Variants in CSE1L observed in about 807,000 individuals in gnomAD.
CSE1L encodes the protein exportin-2.
CSE1L carries 24 observed loss-of-function variants against 120.4 expected under a neutral mutation model. That is an observed-to-expected ratio of 0.20 (90% CI 0.14 to 0.28). The LOEUF (loss-of-function observed/expected upper bound fraction) is 0.28, where lower values mean the gene tolerates loss of function less well. Ranked by LOEUF, CSE1L falls within the 10% of genes least tolerant of loss-of-function variation. The probability of loss-of-function intolerance (pLI) is 1.00; values close to 1 mark genes in which losing one functional copy is unlikely to be tolerated. For missense variants in CSE1L, 830 were observed against 1,145.2 expected, an observed-to-expected ratio of 0.72 and a Z score of 3.97; for synonymous variants, 402 against 398.3, an observed-to-expected ratio of 1.01 and a Z score of -0.11.
intron 11 of CSE1L, 124 bp from the exon 12 acceptor site, chr20:49,075,194 T>G: frequency 1.3e-6 from 1 of 784,772 alleles, no homozygotes; most frequent in Non-Finnish European, 2.0e-6. Flanking sequence ...TTGTTTTTCG[T>G]TCTTTTTTTT....
rs138299846 is a variant in CSE1L, at chr20:49,089,328, G to C, written c.1903G>C (p.Ala635Pro). 6.2e-7 allele frequency: 1 copy of C among 1,613,240 alleles called. No individual in the cohort carries two copies. Among genetic ancestry groups the C allele is most frequent in the Non-Finnish European group, 8.5e-7 (1 of 1,179,812 alleles). ...SIRITCKANP[A>P]AVVNFEEALF... Reference sequence around the variant, plus strand: ...AAGAATAACTTGCAAAGCTAACCCTGCTGCTGTTGTAAATTTTGAGGAGGC... The same window carrying C: ...AAGAATAACTTGCAAAGCTAACCCTCCTGCTGTTGTAAATTTTGAGGAGGC... The change falls in exon 18 of 25, where the codon GCT becomes CCT. Residue 635 changes from alanine (A) to proline (P), a missense_variant. Ala to Pro is a conservative substitution (Grantham distance 27). This residue lies in a region of CSE1L where 168 missense variants were observed against 267.9 expected (regional missense o/e 0.63). Transcript: ENST00000262982.
At chr20:49,086,998 A>G (rs2092063989) in intron 16 of CSE1L, among the ~76,000 whole-genome samples, 1 of 152,182 alleles carries the variant, frequency 6.6e-6, no homozygotes, top group Non-Finnish European at 1.5e-5. Context: ...TTCAGGAGGC[A>G]AGAGCAGATA....
At chr20:49,073,008 T>G (rs2091943939) in intron 10 of CSE1L, among the ~76,000 whole-genome samples, 2 of 152,312 alleles carry the variant, frequency 1.3e-5, no homozygotes, top group South Asian at 4.1e-4. Flanking sequence ...TAGCTGGCTT[T>G]ATTTATTTAT....
chr20:49,046,880 G>A (rs2091716806), intron 1 of CSE1L, among the ~76,000 whole-genome samples: 1 of 152,240 alleles, frequency 6.6e-6, no homozygotes, highest in South Asian at 2.1e-4. Context: ...GGCGGGGACT[G>A]CGGGCGCGTG....
At chr20:49,058,677 A>G (rs771789550) in intron 2 of CSE1L, 129 bp downstream of exon 2, 11 of 642,554 alleles carry the variant, frequency 1.7e-5, no homozygotes, top group Non-Finnish European at 2.9e-5. Flanking sequence ...GTAGTTTATA[A>G]GTGTTACAGC....
chr20:49,074,443 T>C (rs1294260720), intron 10 of CSE1L, among the ~76,000 whole-genome samples: 2 of 152,004 alleles, frequency 1.3e-5, no homozygotes, highest in Non-Finnish European at 2.9e-5. Flanking sequence ...TAAAATTAGG[T>C]TGTTGGTATT....
In CSE1L at chr20:49,084,526, A is replaced by C. The variant is rs543999536; in HGVS notation, c.1619+364A>C. ...AATTTTCACAGGGTCTATGAGATAA[A>C]AGTTAAAGCAGAGAATACTGTACAA... On this transcript the variant is annotated intron_variant, in intron 15 of 24. Transcript: ENST00000262982. Among the ~76,000 whole-genome samples, 69 of 152,312 alleles carry C rather than the reference A, an allele frequency of 4.5e-4. 1 individual carries two copies. The highest frequency in any genetic ancestry group is 1.7e-3 in the African/African-American group (69 of 41,570).
At chr20:49,095,141 T>G (rs1221909709) in intron 24 of CSE1L, 178 bp downstream of exon 24, 1 of 686,766 alleles carries the variant, frequency 1.5e-6, no homozygotes, top group Non-Finnish European at 2.6e-6. Flanking sequence ...TCTTGTATTA[T>G]GTACTACAAA....
At chr20:49,076,163 C>G (rs2091966561) in intron 12 of CSE1L, among the ~76,000 whole-genome samples, 1 of 149,824 alleles carries the variant, frequency 6.7e-6, no homozygotes, top group African/African-American at 2.5e-5. Flanking sequence ...TATACATAAG[C>G]AGGTTGTGTT....
chr20:49,053,697 A>G (rs1447562891), intron 1 of CSE1L, among the ~76,000 whole-genome samples: 3 of 152,158 alleles, frequency 2.0e-5, no homozygotes, highest in Non-Finnish European at 4.4e-5. Flanking sequence ...AATACAGAAA[A>G]AAGGAATAGG....
chr20:49,094,044 T>C (rs1419293119), intron 22 of CSE1L, 96 bp from the exon 23 acceptor site: 3 of 776,896 alleles, frequency 3.9e-6, no homozygotes, highest in Non-Finnish European at 6.0e-6. Context: ...TATTTAGTAA[T>C]TTATCATATT....
chr20:49,063,377 C>T, intron 3 of CSE1L, 33 bp downstream of exon 3: 1 of 1,345,332 alleles, frequency 7.4e-7, no homozygotes, highest in African/African-American at 1.5e-5. Flanking sequence ...ATTTAATACC[C>T]TGTATGTTTA....
At chr20:49,047,806 C>T (rs1013616050) in intron 1 of CSE1L, among the ~76,000 whole-genome samples, 14 of 152,032 alleles carry the variant, frequency 9.2e-5, no homozygotes, top group African/African-American at 3.4e-4. Flanking sequence ...GCTGTCTAAT[C>T]AACCTGTCTA....
intron 14 of CSE1L, among the ~76,000 whole-genome samples, chr20:49,083,016 T>TTTTTTTC (rs2092025699): frequency 6.6e-6 from 1 of 151,516 alleles, no homozygotes; most frequent in African/African-American, 2.4e-5. Flanking sequence ...AACATCTTTT[T>TTTTTTTC]TTTTTTCTTT....
At chr20:49,077,409 G>A (rs1294499535) in intron 13 of CSE1L, among the ~76,000 whole-genome samples, 3 of 151,840 alleles carry the variant, frequency 2.0e-5, no homozygotes, top group Non-Finnish European at 2.9e-5. Context: ...ATCCACCTGC[G>A]TCGGCCTGCC....
At chr20:49,079,238 A>G (rs916059005) in intron 14 of CSE1L, among the ~76,000 whole-genome samples, 8 of 142,594 alleles carry the variant, frequency 5.6e-5, no homozygotes, top group East Asian at 4.2e-4. Flanking sequence ...ATTTTTTTTT[A>G]TTTTTTTGAG....
In CSE1L at chr20:49,091,076, A is replaced by ACC. The variant is rs1295914126; in HGVS notation, c.2365+56_2365+57dup. 2.0e-5 allele frequency: 23 copies of ACC among 1,171,858 alleles called. No individual in the cohort carries two copies. In the African/African-American group the frequency reaches 3.6e-4, roughly 18 times the overall value. The allele number at this position is 1,171,858 out of a possible 1,614,324, so 72.6% of individuals were successfully genotyped here. A position where few individuals can be genotyped will look rare whatever the true frequency, so the allele number is the denominator to read the frequency against. The stretch of plus-strand genomic sequence containing the variant: ...GAAGTAATGAAAGAAGGTAGCTAAA[A>ACC]CCCTTAGACTTTATGGTTGCAGATA... On this transcript the variant is annotated intron_variant, in intron 21 of 24. Coordinates refer to ENST00000262982, the MANE Select transcript of CSE1L (RefSeq NM_001316.4).
chr20:49,095,697 ACTT>A (rs1359351896), intron 24 of CSE1L, among the ~76,000 whole-genome samples: 1 of 151,992 alleles, frequency 6.6e-6, no homozygotes, highest in Non-Finnish European at 1.5e-5. Context: ...TTTTGTCAGC[ACTT>A]ATTATAGAGT....
Position 49,067,197 on chromosome 20 carries a change from C to T in CSE1L, c.484C>T (p.His162Tyr). Residue 162 changes from histidine to tyrosine, a missense_variant, in exon 6 of 25, where the codon CAT becomes TAT. Around this residue, in one of 4 missense-constraint regions of CSE1L, gnomAD observed 543 missense variants for 640.2 expected, o/e 0.85. Transcript: ENST00000262982. ...TAHSLFKRYR[H>Y]EFKSNELWTE... ...TTTACCTTAATTTTCTAGATACCGT[C>T]ATGAATTTAAGTCAAACGAGTTATG... The T allele has an allele frequency of 6.2e-7, 1 of 1,603,568 alleles. No homozygotes were observed. The highest frequency in any genetic ancestry group is 2.2e-5 in the East Asian group (1 of 44,702).
Sources: gnomAD v4.1 joint callset for allele counts (sites outside exome capture counted in the v4.1 genomes callset) on GRCh38, gnomAD v4.1.1 for gene constraint, gnomAD v4.1.1 regional missense constraint, MANE v1.5 for transcripts, NCBI Gene and HGNC (gene_info 2026-07-23, HGNC 2026-07-21) for gene names.